Variants in DDAH1 observed in about 807,000 individuals in gnomAD.
DDAH1 encodes the protein dimethylarginine dimethylaminohydrolase 1.
DDAH1 carries 19 observed loss-of-function variants against 28.8 expected under a neutral mutation model. The ratio of observed to expected loss-of-function variants is 0.66; its 90% CI spans 0.46 to 0.97. The LOEUF is 0.97. Among genes scored for constraint, DDAH1 ranks in the 50% least tolerant of loss-of-function variants. The pLI is 0.00. For synonymous variants in DDAH1, 153 were observed against 154.4 expected (o/e 0.99, Z 0.07); for missense variants, 326 against 375.9 (o/e 0.87, Z 1.10).
chr1:85,382,999 G>A (rs1258818350), intron 1 of DDAH1, among the ~76,000 whole-genome samples: 1 of 152,154 alleles, frequency 6.6e-6, no homozygotes, highest in East Asian at 1.9e-4. Context: ...AATGCTCAAG[G>A]GGATTAATGC....
chr1:85,403,051 T>C (rs1652223072), intron 1 of DDAH1, among the ~76,000 whole-genome samples: 1 of 152,078 alleles, frequency 6.6e-6, no homozygotes, highest in Non-Finnish European at 1.5e-5. Context: ...AGAAGGGATC[T>C]GTGTGTGTTG....
rs1267979547 is a variant in DDAH1, at chr1:85,320,046, A to C, written c.*1406T>G. 6.6e-6 allele frequency: 1 copy of C among 152,230 alleles called. No individual in the cohort carries two copies. The highest frequency in any genetic ancestry group is 1.5e-5 in the Non-Finnish European group (1 of 68,040). 9.4% of individuals were successfully genotyped at this position (152,230 alleles called of 1,614,324 possible). ...GCCACAGGCAATACAGGAAAGGTGG[A>C]GATGACTAGGAAGTGTGATAATGTG... On this transcript the variant is annotated 3_prime_UTR_variant, in exon 6 of 6. Coordinates refer to ENST00000284031, the MANE Select transcript of DDAH1 (RefSeq NM_012137.4).
At chr1:85,378,670 A>G (rs1427659819) in intron 1 of DDAH1, among the ~76,000 whole-genome samples, 2 of 152,170 alleles carry the variant, frequency 1.3e-5, no homozygotes, top group Non-Finnish European at 2.9e-5. Flanking sequence ...CGGCCTCCCA[A>G]TGTGCTGGGA....
intron 4 of DDAH1, among the ~76,000 whole-genome samples, chr1:85,332,230 T>C (rs748531352): frequency 6.6e-6 from 1 of 152,136 alleles, no homozygotes; most frequent in Non-Finnish European, 1.5e-5. Context: ...TTCACATCCC[T>C]GGAGCCCCAC....
rs766186036 is a variant in DDAH1 at position 85,464,759 on chromosome 1, G to A, written c.287C>T (p.Pro96Leu). 2 of 1,552,388 alleles carry A rather than the reference G, an allele frequency of 1.3e-6. No individual in the cohort carries two copies. Among genetic ancestry groups the A allele is most frequent in the Non-Finnish European group, 1.7e-6 (2 of 1,154,546 alleles). ...GGCAGTTACCTCCTTCCTCCGGCTC[G>A]GCGCCCCGGGTCGGGTGATGAGGGC... is the stretch of plus-strand genomic sequence containing the variant. ...ETALITRPGA[P>L]SRRKEVDMMK... Residue 96 changes from proline to leucine, a missense_variant, in exon 1 of 6, where the codon CCG becomes CTG. Coordinates refer to ENST00000284031, the MANE Select transcript of DDAH1 (RefSeq NM_012137.4). The surrounding 1 kb of genome is among the most constrained non-coding windows in gnomAD (Gnocchi z 4.4).
chr1:85,398,314 A>C (rs1196129081), intron 1 of DDAH1: 2 of 152,360 alleles, frequency 1.3e-5, no homozygotes, highest in East Asian at 3.9e-4. Flanking sequence ...TAATGAGACG[A>C]AACTTATTTT....
chr1:85,568,750 T>C (rs984125852), intron 1 of DDAH1, among the ~76,000 whole-genome samples: 2 of 152,092 alleles, frequency 1.3e-5, no homozygotes, highest in African/African-American at 4.8e-5. Context: ...ATAAATTATA[T>C]CCAAGCAGAG....
At chr1:85,458,235 A>G (rs76115671) in intron 1 of DDAH1, among the ~76,000 whole-genome samples, 2,311 of 152,212 alleles carry the variant, frequency 0.015, 91 homozygotes, top group East Asian at 0.14. Flanking sequence ...GTACTTTTTC[A>G]TGCTGATTCC....
At chr1:85,440,832 G>A (rs1016327548) in intron 1 of DDAH1, among the ~76,000 whole-genome samples, 2 of 139,676 alleles carry the variant, frequency 1.4e-5, no homozygotes, top group Non-Finnish European at 3.2e-5. Flanking sequence ...GTCCAACTAA[G>A]CTCGGAAATG....
At chr1:85,551,646 A>C (rs893783883) in intron 1 of DDAH1, among the ~76,000 whole-genome samples, 5 of 152,234 alleles carry the variant, frequency 3.3e-5, no homozygotes, top group Non-Finnish European at 7.3e-5. Flanking sequence ...CAAGGGGCTC[A>C]GTCTAATCCA....
intron 1 of DDAH1, among the ~76,000 whole-genome samples, chr1:85,461,618 A>T (rs761065335): frequency 6.6e-6 from 1 of 152,212 alleles, no homozygotes; most frequent in African/African-American, 2.4e-5. Flanking sequence ...CAAATATGTC[A>T]TAAGGAGGGA....
intron 1 of DDAH1, among the ~76,000 whole-genome samples, chr1:85,427,958 AG>A (rs1447482278): frequency 6.6e-6 from 1 of 152,200 alleles, no homozygotes; most frequent in African/African-American, 2.4e-5. Flanking sequence ...GTATAATCCA[AG>A]ATAGGGAGAC....
chr1:85,346,168 A>C (rs575757125), intron 4 of DDAH1, among the ~76,000 whole-genome samples: 1 of 151,580 alleles, frequency 6.6e-6, no homozygotes, highest in African/African-American at 2.4e-5. Flanking sequence ...GTACTCAGAG[A>C]GCAGTGACAG....
chr1:85,505,917 T>C (rs1656999037), intron 1 of DDAH1, among the ~76,000 whole-genome samples: 1 of 152,192 alleles, frequency 6.6e-6, no homozygotes, highest in Non-Finnish European at 1.5e-5. Flanking sequence ...TGTCCTAAAT[T>C]CTTCTATAGC....
chr1:85,405,366 T>C (rs950891359), intron 1 of DDAH1, among the ~76,000 whole-genome samples: 1 of 152,150 alleles, frequency 6.6e-6, no homozygotes, highest in African/African-American at 2.4e-5. Context: ...AACTTAACTG[T>C]AAAAAACACT....
rs149428195 is a variant in DDAH1 at position 85,423,710 on chromosome 1, A to T, written c.303+41033T>A. Reference sequence around the variant, plus strand: ...TTTTCTTTTTTGTCAGTTCTTTGGGATTTTCTTATGGAGACAATCATGCAA... The same window carrying T: ...TTTTCTTTTTTGTCAGTTCTTTGGGTTTTTCTTATGGAGACAATCATGCAA... On this transcript the variant is annotated intron_variant, in intron 1 of 5. Transcript: ENST00000284031. Among the ~76,000 whole-genome samples, 67 of 151,796 alleles carry T rather than the reference A, an allele frequency of 4.4e-4. No homozygotes were observed. The East Asian group carries it at 0.01, about 23-fold the overall frequency.
At chr1:85,404,114 C>T (rs192317319) in intron 1 of DDAH1, among the ~76,000 whole-genome samples, 6 of 151,350 alleles carry the variant, frequency 4.0e-5, no homozygotes, top group South Asian at 2.1e-4. Flanking sequence ...TAAGCCCATA[C>T]GAAAGAAAAA....
chr1:85,371,692 C>G (rs1007711271), intron 1 of DDAH1, among the ~76,000 whole-genome samples: 1 of 152,170 alleles, frequency 6.6e-6, no homozygotes, highest in Non-Finnish European at 1.5e-5. Context: ...TACATTCACA[C>G]TGTATAGCAC....
chr1:85,486,778 G>C (rs939583547), intron 2 of DDAH1, among the ~76,000 whole-genome samples: 1 of 152,172 alleles, frequency 6.6e-6, no homozygotes, highest in African/African-American at 2.4e-5. Context: ...GGGTAGTCCA[G>C]GCAATGAAAA....
Sources: gnomAD v4.1 joint callset for allele counts (sites outside exome capture counted in the v4.1 genomes callset) on GRCh38, gnomAD v4.1.1 for gene constraint, Gnocchi (gnomAD v3.1) non-coding constraint, MANE v1.5 for transcripts, NCBI Gene and HGNC (gene_info 2026-07-23, HGNC 2026-07-21) for gene names.